The following DYM variants were observed in gnomAD, a reference collection of about 807,000 sequenced individuals.
DYM encodes the protein dymeclin.
A neutral mutation model predicts 93.1 loss-of-function variants in DYM; 78 were observed. The ratio of observed to expected loss-of-function variants is 0.84; its 90% confidence interval spans 0.70 to 1.01. The LOEUF is 1.01. Among genes scored for constraint, DYM ranks in the 50% least tolerant of loss-of-function variants. DYM has a pLI of 0.00. For missense variants in DYM, 789 were observed against 845.0 expected, an observed-to-expected ratio of 0.93 and a Z score of 0.82; for synonymous variants, 321 against 319.7, an observed-to-expected ratio of 1.00 and a Z score of -0.04.
chr18:49,383,028 C>A (rs1407763707), intron 3 of DYM, among the ~76,000 whole-genome samples: 2 of 152,108 alleles, frequency 1.3e-5, no homozygotes, highest in Non-Finnish European at 2.9e-5. Context: ...AAGATGACCC[C>A]ACGCAAGGAT....
chr18:49,088,088 T>C (rs2078713230), intron 17 of DYM, among the ~76,000 whole-genome samples: 1 of 152,096 alleles, frequency 6.6e-6, no homozygotes, highest in Non-Finnish European at 1.5e-5. Flanking sequence ...TGATGGTAGT[T>C]TCTTTTGCTG....
chr18:49,053,783 G>C (rs184951283), intron 17 of DYM, among the ~76,000 whole-genome samples: 3 of 152,316 alleles, frequency 2.0e-5, no homozygotes, highest in Non-Finnish European at 4.4e-5. Flanking sequence ...TGTAACTTTA[G>C]TTCATCAATG....
intron 7 of DYM, among the ~76,000 whole-genome samples, chr18:49,332,214 A>G (rs1376772315): frequency 6.6e-6 from 1 of 152,210 alleles, no homozygotes; most frequent in East Asian, 1.9e-4. Flanking sequence ...TTTTCCTCTT[A>G]TCACATCATA....
chr18:49,380,595 T>C (rs973240842), intron 3 of DYM, among the ~76,000 whole-genome samples: 6 of 152,212 alleles, frequency 3.9e-5, no homozygotes, highest in Non-Finnish European at 5.9e-5. Context: ...CTCAAATCTT[T>C]GACTTTAAAC....
rs187803596 is a variant in DYM, at chr18:49,215,879, G to A, written c.1461-6164C>T. On this transcript the variant is annotated intron_variant, in intron 13 of 17. Transcript: ENST00000675505. The stretch of plus-strand genomic sequence containing the variant: ...CTGAGGTACTGGGTTCATCTCACTA[G>A]GGAGTGCCAGACAGTGGGTGCAGGA... Among the ~76,000 whole-genome samples the A allele has an allele frequency of 2.7e-3, 406 of 152,332 alleles. 2 individuals are homozygous for A. The highest frequency in any genetic ancestry group is 9.5e-3 in the African/African-American group (397 of 41,582).
intron 8 of DYM, among the ~76,000 whole-genome samples, chr18:49,314,387 G>T (rs1450210001): frequency 6.6e-6 from 1 of 152,136 alleles, no homozygotes; most frequent in Non-Finnish European, 1.5e-5. Flanking sequence ...CTTCTGACTT[G>T]CTTCAAGCCT....
At chr18:49,044,296 G>T in intron 17 of DYM, 92 bp from the exon 18 acceptor site, 1 of 1,420,906 alleles carries the variant, frequency 7.0e-7, no homozygotes, top group Non-Finnish European at 9.9e-7. Flanking sequence ...GGTGTGCGGG[G>T]AGCCCACCCA....
chr18:49,169,968 A>T (rs1195690400), intron 14 of DYM, among the ~76,000 whole-genome samples: 9 of 152,202 alleles, frequency 5.9e-5, no homozygotes, highest in Non-Finnish European at 1.2e-4. Context: ...AAAGAAGGGA[A>T]TCAGGGCTGA....
chr18:49,254,371 A>G (rs939887937), intron 13 of DYM, among the ~76,000 whole-genome samples: 10 of 149,582 alleles, frequency 6.7e-5, no homozygotes, highest in African/African-American at 2.2e-4. Flanking sequence ...CTGAAATGCA[A>G]GCTGCTTGAG....
intron 8 of DYM, among the ~76,000 whole-genome samples, chr18:49,308,090 ATACT>A (rs2061376029): frequency 6.6e-6 from 1 of 152,208 alleles, no homozygotes; most frequent in Non-Finnish European, 1.5e-5. Flanking sequence ...AAATACTATA[ATACT>A]TAATTTGCTG....
intron 15 of DYM, among the ~76,000 whole-genome samples, chr18:49,163,354 AT>A (rs1029992168): frequency 1.3e-5 from 2 of 151,984 alleles, no homozygotes; most frequent in African/African-American, 4.8e-5. Context: ...TTTATTTATT[AT>A]TTTTTTGAGA....
chr18:49,388,913 C>CAAAAAA, intron 3 of DYM, among the ~76,000 whole-genome samples: 1 of 129,046 alleles, frequency 7.7e-6, no homozygotes, highest in Non-Finnish European at 1.7e-5. Context: ...CATTTTCAGA[C>CAAAAAA]AAAAAAAAAA....
chr18:49,321,690 C>T (rs550275195), intron 8 of DYM, among the ~76,000 whole-genome samples: 1 of 151,986 alleles, frequency 6.6e-6, no homozygotes, highest in Non-Finnish European at 1.5e-5. Context: ...GGAACCACTG[C>T]ACAGAAACAG....
chr18:49,176,574 C>CTTT (rs36121103), intron 14 of DYM, among the ~76,000 whole-genome samples: 24 of 99,414 alleles, frequency 2.4e-4, no homozygotes, highest in Non-Finnish European at 3.2e-4. Context: ...CCAAGCCTGG[C>CTTT]TTTTTTTTTT....
chr18:49,431,395 T>G (rs757834693), intron 1 of DYM, among the ~76,000 whole-genome samples: 2 of 152,154 alleles, frequency 1.3e-5, no homozygotes, highest in Admixed American at 6.5e-5. Context: ...CCCTAAACAG[T>G]ATGTTGAAGG....
intron 14 of DYM, among the ~76,000 whole-genome samples, chr18:49,173,577 A>T (rs1431433699): frequency 3.3e-5 from 5 of 152,056 alleles, no homozygotes; most frequent in Non-Finnish European, 7.4e-5. Flanking sequence ...TTTTTCAATT[A>T]CTGATTGTTC....
At chr18:49,090,365 C>G (rs976977959) in intron 17 of DYM, among the ~76,000 whole-genome samples, 1 of 152,004 alleles carries the variant, frequency 6.6e-6, no homozygotes, top group African/African-American at 2.4e-5. Flanking sequence ...TAGCTCTCAT[C>G]CCCCAGCAAA....
At chr18:49,313,727 T>C (rs1468654402) in intron 8 of DYM, among the ~76,000 whole-genome samples, 1 of 152,128 alleles carries the variant, frequency 6.6e-6, no homozygotes. Context: ...CCTAGAATTC[T>C]TTCTTGTGCA....
intron 2 of DYM, among the ~76,000 whole-genome samples, chr18:49,392,447 A>T (rs1320554638): frequency 1.3e-5 from 2 of 152,116 alleles, no homozygotes; most frequent in Non-Finnish European, 2.9e-5. Context: ...TAAATCACAT[A>T]TCTGATAAGA....
Sources: gnomAD v4.1 joint callset for allele counts (sites outside exome capture counted in the v4.1 genomes callset) on GRCh38, gnomAD v4.1.1 for gene constraint, MANE v1.5 for transcripts, NCBI Gene and HGNC (gene_info 2026-07-23, HGNC 2026-07-21) for gene names.